The following FRAS1 variants were observed in gnomAD, a reference collection of about 807,000 sequenced individuals.
FRAS1 encodes the protein extracellular matrix organizing protein FRAS1.
Under a neutral mutation model 435.2 loss-of-function variants are expected in FRAS1, and 290 were observed. The observed-to-expected ratio is 0.67, with a 90% CI of 0.61 to 0.73. The LOEUF (loss-of-function observed/expected upper bound fraction) is 0.73. Among genes scored for constraint, FRAS1 ranks in the 30% least tolerant of loss-of-function variants. FRAS1 has a pLI of 0.00. For missense variants in FRAS1, 4,860 were observed against 5,001.5 expected (o/e 0.97, Z 0.85); for synonymous variants, 1,800 against 1,851.0 (o/e 0.97, Z 0.71).
rs899626348 is a variant in FRAS1 at position 78,373,810 on chromosome 4, A to G, written c.3011-301A>G. ...ATAATAATAATAGTAATAGCTGCTG[A>G]TATCTGTCATTCACTTTATAGTTTA... On this transcript the variant is annotated intron_variant, in intron 24 of 73. Coordinates refer to ENST00000512123, the MANE Select transcript of FRAS1 (RefSeq NM_025074.7). Among the ~76,000 whole-genome samples the G allele has an allele frequency of 2.6e-5, 4 of 152,002 alleles. No homozygotes were observed. In the South Asian group the frequency reaches 8.3e-4, roughly 31 times the overall value.
chr4:78,412,862 G>T (rs1313670013), intron 31 of FRAS1, 107 bp from the exon 32 acceptor site: 2 of 535,070 alleles, frequency 3.7e-6, no homozygotes, highest in African/African-American at 4.0e-5. Context: ...TAACGCAGGA[G>T]CATATAGAAT....
chr4:78,160,648 A>T, intron 2 of FRAS1, among the ~76,000 whole-genome samples: 1 of 152,208 alleles, frequency 6.6e-6, no homozygotes, highest in South Asian at 2.1e-4. Flanking sequence ...TTTAATGTTT[A>T]TAATAATACT....
At chr4:78,219,243 G>A (rs907962836) in intron 2 of FRAS1, among the ~76,000 whole-genome samples, 1 of 152,046 alleles carries the variant, frequency 6.6e-6, no homozygotes, top group Non-Finnish European at 1.5e-5. Flanking sequence ...TAAGAATGAA[G>A]TTCTACCTCA....
At chr4:78,472,561 C>T (rs1217283152) in intron 52 of FRAS1, among the ~76,000 whole-genome samples, 1 of 152,158 alleles carries the variant, frequency 6.6e-6, no homozygotes, top group Admixed American at 6.5e-5. Flanking sequence ...GCTTCCTCAA[C>T]TCCTAAATTG....
chr4:78,388,008 T>C (rs941718802), intron 29 of FRAS1, among the ~76,000 whole-genome samples: 2 of 152,092 alleles, frequency 1.3e-5, no homozygotes, highest in Non-Finnish European at 2.9e-5. Context: ...ATCAAGATAT[T>C]TCTGTTTTTA....
At chr4:78,275,180 C>T (rs1241540864) in intron 9 of FRAS1, among the ~76,000 whole-genome samples, 3 of 152,156 alleles carry the variant, frequency 2.0e-5, no homozygotes, top group African/African-American at 7.2e-5. Flanking sequence ...GATCTTCCTC[C>T]ATCCCTTTAT....
At chr4:78,095,246 T>C (rs908155041) in intron 2 of FRAS1, among the ~76,000 whole-genome samples, 5 of 152,160 alleles carry the variant, frequency 3.3e-5, no homozygotes, top group African/African-American at 7.2e-5. Context: ...ATTCAAAGAG[T>C]GAAAGCCTCA....
intron 62 of FRAS1, among the ~76,000 whole-genome samples, chr4:78,507,956 A>G (rs1720896340): frequency 6.6e-6 from 1 of 152,238 alleles, no homozygotes; most frequent in African/African-American, 2.4e-5. Flanking sequence ...TAAAAGTGAG[A>G]CCAAATCCTG....
In FRAS1 at chr4:78,470,006, G is replaced by T; in HGVS notation, c.7286G>T (p.Arg2429Leu). The change falls in exon 51 of 74, where the codon CGA (arginine) becomes CTA (leucine). Residue 2429 changes from arginine to leucine, a missense_variant. Coordinates refer to ENST00000512123, the MANE Select transcript of FRAS1 (RefSeq NM_025074.7). ...EIMTAAPQPF[R>L]VDILPVDDGT... ...ATGACAGCAGCACCTCAGCCGTTCCGAGTAGACATCCTCCCGGTAGATGAT... is the reference window on the plus strand; with the variant it reads ...ATGACAGCAGCACCTCAGCCGTTCCTAGTAGACATCCTCCCGGTAGATGAT... 6.2e-7 allele frequency: 1 copy of T among 1,613,636 alleles called. No individual in the cohort carries two copies. Among genetic ancestry groups the T allele is most frequent in the Non-Finnish European group, 8.5e-7 (1 of 1,179,758 alleles).
At chr4:78,231,267 A>G (rs1027298083) in intron 2 of FRAS1, among the ~76,000 whole-genome samples, 1 of 151,580 alleles carries the variant, frequency 6.6e-6, no homozygotes, top group Non-Finnish European at 1.5e-5. Flanking sequence ...CTTATATTTT[A>G]AAAGTAACTT....
chr4:78,430,994 G>T (rs1478560464), intron 37 of FRAS1, among the ~76,000 whole-genome samples: 2 of 152,130 alleles, frequency 1.3e-5, no homozygotes, highest in African/African-American at 2.4e-5. Context: ...AAAACACAAA[G>T]AACACAAGTG....
At chr4:78,222,651 C>T (rs914750529) in intron 2 of FRAS1, among the ~76,000 whole-genome samples, 23 of 152,138 alleles carry the variant, frequency 1.5e-4, no homozygotes, top group Admixed American at 9.8e-4. Flanking sequence ...ATCTCTGACG[C>T]GCCATTTAAA....
In FRAS1 at chr4:78,534,019, G is replaced by A. The variant is rs574737273; in HGVS notation, c.10926-430G>A. ...GGTAGGCACACAGAGCAAGGCAAGA[G>A]AGTATCGCCTAGCAAGTCCTGAAAG... On this transcript the variant is annotated intron_variant, in intron 70 of 73. Transcript: ENST00000512123. Among the ~76,000 whole-genome samples, 5 of 152,284 alleles carry A rather than the reference G, an allele frequency of 3.3e-5. No individual in the cohort carries two copies. In the South Asian group the frequency reaches 1.0e-3, roughly 32 times the overall value.
In FRAS1 at chr4:78,286,479, C is replaced by T. The variant is rs1161161675; in HGVS notation, c.1474C>T (p.His492Tyr). 1 of 1,613,598 alleles carries T rather than the reference C, an allele frequency of 6.2e-7. No individual in the cohort carries two copies. The highest frequency in any genetic ancestry group is 2.2e-5 in the East Asian group (1 of 44,894). Residue 492 changes from histidine (H) to tyrosine (Y), a missense_variant, in exon 14 of 74, where the codon CAC (histidine) becomes TAC (tyrosine). Transcript: ENST00000512123. ...SSCQPPLLMR[H>Y]GQCVPTCGDG... is the part of the protein sequence containing the mutation. ...CTGCCAGCCTCCCCTGCTGATGCGG[C>T]ACGGGCAGTGTGTGCCTACCTGTGG...
intron 32 of FRAS1, 58 bp downstream of exon 32, chr4:78,413,143 G>A (rs1018289467): frequency 8.0e-6 from 8 of 998,690 alleles, no homozygotes; most frequent in Non-Finnish European, 1.2e-5. Context: ...GCACGCTGAT[G>A]GGATTTGATA....
At chr4:78,272,508 C>T (rs977563837) in intron 9 of FRAS1, among the ~76,000 whole-genome samples, 1 of 152,176 alleles carries the variant, frequency 6.6e-6, no homozygotes, top group Non-Finnish European at 1.5e-5. Flanking sequence ...AGGAAGGGAT[C>T]CAGTTTCAGC....
intron 70 of FRAS1, among the ~76,000 whole-genome samples, chr4:78,527,121 T>C (rs1233595975): frequency 6.6e-6 from 1 of 152,170 alleles, no homozygotes; most frequent in Non-Finnish European, 1.5e-5. Flanking sequence ...CAAGGTTATA[T>C]GTTAATTGGT....
At chr4:78,117,953 T>G (rs1718745518) in intron 2 of FRAS1, among the ~76,000 whole-genome samples, 1 of 152,234 alleles carries the variant, frequency 6.6e-6, no homozygotes, top group Non-Finnish European at 1.5e-5. Context: ...TTCCCCATCT[T>G]TGTGGTTTTA....
At chr4:78,330,602 C>T (rs560339237) in intron 18 of FRAS1, among the ~76,000 whole-genome samples, 3 of 152,248 alleles carry the variant, frequency 2.0e-5, no homozygotes, top group African/African-American at 4.8e-5. Flanking sequence ...TCTGAACTGG[C>T]CCCCCTGGGC....
Sources: allele counts gnomAD v4.1 joint callset (sites outside exome capture counted in the v4.1 genomes callset), GRCh38; gene constraint gnomAD v4.1.1; transcripts MANE v1.5; gene names NCBI Gene and HGNC (gene_info 2026-07-23, HGNC 2026-07-21).